REDIC1: variants seen among roughly 807,000 people sequenced by gnomAD.
REDIC1 encodes regulator of DNA class I crossover intermediates 1.
the REDIC1 span, among the ~76,000 whole-genome samples, chr12:39,654,782 T>C: frequency 3.2e-4 from 48 of 152,238 alleles, no homozygotes; most frequent in African/African-American, 1.1e-3. Context: ...TGTTTCCCCC[T>C]GTTTTATGTA....
At chr12:39,704,636 G>A in the REDIC1 span, among the ~76,000 whole-genome samples, 13 of 151,962 alleles carry the variant, frequency 8.6e-5, no homozygotes, top group Non-Finnish European at 1.5e-4. Context: ...TGTTTATTGC[G>A]GCATTATTTA....
At chr12:39,703,940 G>C in the REDIC1 span, among the ~76,000 whole-genome samples, 2 of 152,122 alleles carry the variant, frequency 1.3e-5, no homozygotes, top group Admixed American at 6.5e-5. Flanking sequence ...ATGGATTAAA[G>C]ACTTAAACGT....
chr12:39,779,718 C>T, the REDIC1 span, among the ~76,000 whole-genome samples: 11 of 152,284 alleles, frequency 7.2e-5, no homozygotes, highest in South Asian at 1.7e-3. Flanking sequence ...TAATTTAAAA[C>T]GTGACTGTCT....
chr12:39,760,093 A>C, the REDIC1 span: 1 of 1,612,860 alleles, frequency 6.2e-7, no homozygotes, highest in African/African-American at 1.3e-5. Context: ...AATATATTCA[A>C]TATATCTCCC....
At chr12:39,752,176 G>A in the REDIC1 span, among the ~76,000 whole-genome samples, 20,378 of 152,182 alleles carry the variant, frequency 0.13, 1,642 homozygotes, top group East Asian at 0.39. Flanking sequence ...CAGTGCCCAC[G>A]CCATGGACGC....
At chr12:39,812,199 A>G in the REDIC1 span, among the ~76,000 whole-genome samples, 3 of 152,108 alleles carry the variant, frequency 2.0e-5, no homozygotes, top group Middle Eastern at 3.4e-3. Context: ...GTGCCCTCAC[A>G]TGGTAGAATG....
the REDIC1 span, among the ~76,000 whole-genome samples, chr12:39,645,261 C>T: frequency 2.2e-4 from 34 of 152,020 alleles, no homozygotes; most frequent in African/African-American, 8.2e-4. Flanking sequence ...ATTTCTTCAG[C>T]ATATTTTTAT....
the REDIC1 span, among the ~76,000 whole-genome samples, chr12:39,673,808 C>G: frequency 1.3e-4 from 20 of 152,152 alleles, no homozygotes; most frequent in Admixed American, 5.9e-4. Flanking sequence ...ATTTACTTCT[C>G]TATTTCTTAT....
At chr12:39,900,142 C>A in the REDIC1 span, among the ~76,000 whole-genome samples, 1 of 128,184 alleles carries the variant, frequency 7.8e-6, no homozygotes, top group Non-Finnish European at 1.7e-5. Flanking sequence ...ATTCAACAAC[C>A]CTTCAGGCTA....
chr12:39,904,587 A>G, the REDIC1 span, among the ~76,000 whole-genome samples: 1 of 152,112 alleles, frequency 6.6e-6, no homozygotes, highest in South Asian at 2.1e-4. Flanking sequence ...GCTCTTGTTT[A>G]CTGGACTGGA....
At chr12:39,864,908 G>C in the REDIC1 span, 11 of 1,592,594 alleles carry the variant, frequency 6.9e-6, no homozygotes, top group African/African-American at 9.5e-5. Context: ...TTTTATATTA[G>C]AGAAGAGTTG....
At chr12:39,861,630 A>G in the REDIC1 span, among the ~76,000 whole-genome samples, 1 of 152,214 alleles carries the variant, frequency 6.6e-6, no homozygotes, top group Non-Finnish European at 1.5e-5. Flanking sequence ...TAGTAATTTG[A>G]GAGTGTGGAA....
chr12:39,668,725 C>T, the REDIC1 span, among the ~76,000 whole-genome samples: 1 of 152,268 alleles, frequency 6.6e-6, no homozygotes, highest in Non-Finnish European at 1.5e-5. Context: ...TTCACATAGT[C>T]CCATATTTCT....
At chr12:39,757,330 T>C in the REDIC1 span, 1 of 151,988 alleles carries the variant, frequency 6.6e-6, no homozygotes, top group Non-Finnish European at 1.5e-5. Flanking sequence ...AATCACATCA[T>C]ATATAAATTG....
the REDIC1 span, among the ~76,000 whole-genome samples, chr12:39,889,408 C>T: frequency 1.2e-4 from 18 of 151,870 alleles, no homozygotes; most frequent in Non-Finnish European, 1.8e-4. Context: ...GCCTTATACT[C>T]TAACAAATTA....
At chr12:39,772,019 G>A in the REDIC1 span, among the ~76,000 whole-genome samples, 1 of 152,020 alleles carries the variant, frequency 6.6e-6, no homozygotes, top group Non-Finnish European at 1.5e-5. Context: ...AGGCCTGTGT[G>A]GATGCTACCC....
chr12:39,841,819 A>G, the REDIC1 span, among the ~76,000 whole-genome samples: 1 of 152,174 alleles, frequency 6.6e-6, no homozygotes, highest in South Asian at 2.1e-4. Context: ...ATTAGAAGGA[A>G]TACTTAAGAG....
chr12:39,798,981 G>GT, the REDIC1 span, among the ~76,000 whole-genome samples: 1 of 150,260 alleles, frequency 6.7e-6, no homozygotes, highest in Non-Finnish European at 1.5e-5. Context: ...AAACAAAGGT[G>GT]TTGCTTGTTT....
the REDIC1 span, among the ~76,000 whole-genome samples, chr12:39,865,052 C>T: frequency 6.6e-6 from 1 of 152,086 alleles, no homozygotes; most frequent in Non-Finnish European, 1.5e-5. Context: ...AATGTATAAA[C>T]AAATTATCAG....
Sources: allele counts gnomAD v4.1 joint callset (sites outside exome capture counted in the v4.1 genomes callset), GRCh38; gene constraint gnomAD v4.1.1; transcripts MANE v1.5; gene names NCBI Gene and HGNC (gene_info 2026-07-23, HGNC 2026-07-21).